The following MEF2A variants were observed in gnomAD, a reference collection of about 807,000 sequenced individuals.
MEF2A encodes the protein myocyte enhancer factor 2A, also known as myocyte-specific enhancer factor 2A.
MEF2A carries 28 observed loss-of-function variants against 55.8 expected under a neutral mutation model. That is an observed-to-expected ratio of 0.50 (90% CI 0.37 to 0.69). The LOEUF (loss-of-function observed/expected upper bound fraction) is 0.69. Among genes scored for constraint, MEF2A ranks in the 30% least tolerant of loss-of-function variants. The pLI is 0.00. For synonymous variants in MEF2A, 239 were observed against 227.1 expected, an observed-to-expected ratio of 1.05 and a Z score of -0.47; for missense variants, 528 against 626.2, an observed-to-expected ratio of 0.84 and a Z score of 1.67.
At chr15:99,645,969 CTA>C (rs1173580708) in intron 4 of MEF2A, 5 of 430,276 alleles carry the variant, frequency 1.2e-5, no homozygotes, top group South Asian at 5.6e-5. Flanking sequence ...ACAAAGTAAA[CTA>C]TGTTGTTTTA....
In MEF2A at chr15:99,716,407, T is replaced by C. The variant is rs1374711070; in HGVS notation, c.*3636T>C. The C allele has an allele frequency of 2.4e-6, 1 of 411,994 alleles. No homozygotes were observed. Among genetic ancestry groups the C allele is most frequent in the South Asian group, 1.7e-5 (1 of 60,602 alleles). 25.5% of individuals were successfully genotyped at this position (411,994 alleles called of 1,614,324 possible). Reference sequence around the variant, plus strand: ...ATATAATAGTGAACTTTTTATCAAATGGTGAAGACAATGCTAAAGGTTGTT... The same window carrying C: ...ATATAATAGTGAACTTTTTATCAAACGGTGAAGACAATGCTAAAGGTTGTT... On this transcript the variant is annotated 3_prime_UTR_variant, in exon 12 of 12. Coordinates refer to ENST00000557942, the MANE Select transcript of MEF2A (RefSeq NM_001319206.4).
intron 11 of MEF2A, among the ~76,000 whole-genome samples, chr15:99,711,383 C>T (rs1450924623): frequency 6.6e-6 from 1 of 152,162 alleles, no homozygotes; most frequent in Non-Finnish European, 1.5e-5. Flanking sequence ...GAGAATGTTC[C>T]GTATGGGCAG....
In MEF2A at chr15:99,713,733, C is replaced by CTT. The variant is rs1372515173; in HGVS notation, c.*964_*965dup. The stretch of plus-strand genomic sequence containing the variant: ...AGAATAGCTTTATCTTGGTTTAACT[C>CTT]TTTAGTTTTATTTTAAGAGGGGAAA... On this transcript the variant is annotated 3_prime_UTR_variant, in exon 12 of 12. Coordinates refer to ENST00000557942, the MANE Select transcript of MEF2A (RefSeq NM_001319206.4). 3 of 151,674 alleles carry CTT rather than the reference C, an allele frequency of 2.0e-5. No homozygotes were observed. Among genetic ancestry groups the CTT allele is most frequent in the Non-Finnish European group, 2.9e-5 (2 of 67,924 alleles). 9.4% of individuals were successfully genotyped at this position (151,674 alleles called of 1,614,324 possible). A position where few individuals can be genotyped will look rare whatever the true frequency, so the allele number is the denominator to read the frequency against.
chr15:99,691,311 C>T (rs1321853749), intron 8 of MEF2A, among the ~76,000 whole-genome samples: 1 of 152,032 alleles, frequency 6.6e-6, no homozygotes, highest in Non-Finnish European at 1.5e-5. Flanking sequence ...AAGCATTAAC[C>T]ATGACTTATT....
intron 1 of MEF2A, among the ~76,000 whole-genome samples, chr15:99,575,910 T>G (rs1964114148): frequency 6.6e-6 from 1 of 152,216 alleles, no homozygotes; most frequent in Admixed American, 6.5e-5. Context: ...ATGTTCCAAA[T>G]TAACCCACAT....
intron 1 of MEF2A, among the ~76,000 whole-genome samples, chr15:99,596,317 A>G (rs1971153689): frequency 6.6e-6 from 1 of 152,096 alleles, no homozygotes; most frequent in South Asian, 2.1e-4. Flanking sequence ...ACTAAATTTG[A>G]GGAATTTTTT....
At chr15:99,612,138 G>A (rs534779320) in intron 2 of MEF2A, among the ~76,000 whole-genome samples, 50 of 152,188 alleles carry the variant, frequency 3.3e-4, no homozygotes, top group African/African-American at 1.1e-3. Context: ...ACACCGGGCC[G>A]GGGGCAGTGG....
intron 3 of MEF2A, among the ~76,000 whole-genome samples, chr15:99,645,069 A>G (rs1358467461): frequency 1.3e-5 from 2 of 152,184 alleles, no homozygotes; most frequent in Non-Finnish European, 2.9e-5. Context: ...TTAAAGAAGA[A>G]TTTGAGGACT....
chr15:99,687,474 C>G (rs2054513134), intron 7 of MEF2A, among the ~76,000 whole-genome samples: 1 of 152,180 alleles, frequency 6.6e-6, no homozygotes, highest in African/African-American at 2.4e-5. Context: ...AATACAGCTA[C>G]TTTTTCCTTC....
intron 2 of MEF2A, among the ~76,000 whole-genome samples, chr15:99,611,109 G>A (rs1977109491): frequency 6.6e-6 from 1 of 152,164 alleles, no homozygotes; most frequent in Non-Finnish European, 1.5e-5. Context: ...AGGCGTGATG[G>A]CAGGGACTTG....
At position 99,690,321 on chromosome 15, in the gene MEF2A, A is replaced by G. The variant is rs199751824; in HGVS notation, c.751A>G (p.Thr251Ala). 1 of 1,613,644 alleles carries G rather than the reference A, an allele frequency of 6.2e-7. No individual in the cohort carries two copies. ...AAATAGCTTAGGCAAAGTCATGCCT[A>G]CAAAGTCTCCCCCTCCACCAGGTGG... ...GANSLGKVMP[T>A]KSPPPPGGGN... Residue 251 changes from threonine (T) to alanine (A), a missense_variant, in exon 8 of 12, where the codon ACA (threonine) becomes GCA (alanine). Around this residue, in one of 2 missense-constraint regions of MEF2A, gnomAD observed 450 missense variants for 475.3 expected, o/e 0.95. Transcript: ENST00000557942.
intron 3 of MEF2A, among the ~76,000 whole-genome samples, chr15:99,633,880 A>G (rs1229450816): frequency 1.3e-5 from 2 of 152,244 alleles, no homozygotes; most frequent in Non-Finnish European, 2.9e-5. Flanking sequence ...ATTCATTTAC[A>G]TATTGTCTAT....
At chr15:99,608,430 C>T (rs573152307) in intron 2 of MEF2A, among the ~76,000 whole-genome samples, 1 of 152,196 alleles carries the variant, frequency 6.6e-6, no homozygotes, top group Admixed American at 6.5e-5. Context: ...TGTGTGGAAG[C>T]ATACAAAAAT....
intron 3 of MEF2A, among the ~76,000 whole-genome samples, chr15:99,644,165 G>C (rs1596737682): frequency 6.6e-6 from 1 of 152,174 alleles, no homozygotes. Context: ...AAGGTTTTGA[G>C]ACTGTTAAAG....
At chr15:99,663,745 A>C (rs1474112850) in intron 4 of MEF2A, among the ~76,000 whole-genome samples, 1 of 152,166 alleles carries the variant, frequency 6.6e-6, no homozygotes, top group Admixed American at 6.5e-5. Flanking sequence ...TAAGTTTATT[A>C]TGTAAAAGAA....
intron 3 of MEF2A, among the ~76,000 whole-genome samples, chr15:99,640,812 G>A (rs2044759607): frequency 2.0e-5 from 3 of 152,048 alleles, no homozygotes; most frequent in Admixed American, 2.0e-4. Flanking sequence ...CCCTCCCAAA[G>A]TGCTGGGATT....
intron 2 of MEF2A, among the ~76,000 whole-genome samples, chr15:99,607,436 A>G (rs899284016): frequency 1.3e-5 from 2 of 152,212 alleles, no homozygotes; most frequent in Non-Finnish European, 2.9e-5. Flanking sequence ...CTTAGAGCAC[A>G]TTTATCAGGT....
chr15:99,698,792 CA>C (rs555279717), intron 8 of MEF2A, among the ~76,000 whole-genome samples: 15 of 137,486 alleles, frequency 1.1e-4, no homozygotes, highest in East Asian at 2.1e-4. Flanking sequence ...AACTCTGTCT[CA>C]AAAAAAAAAA....
chr15:99,663,548 T>C (rs963617771), intron 4 of MEF2A, among the ~76,000 whole-genome samples: 7 of 151,908 alleles, frequency 4.6e-5, no homozygotes, highest in Non-Finnish European at 8.8e-5. Context: ...TTTTATATTT[T>C]ATGTATAAAA....
Sources: allele counts gnomAD v4.1 joint callset (sites outside exome capture counted in the v4.1 genomes callset), GRCh38; gene constraint gnomAD v4.1.1; regional missense constraint gnomAD v4.1.1; transcripts MANE v1.5; gene names NCBI Gene and HGNC (gene_info 2026-07-23, HGNC 2026-07-21).